The following CHL1 variants were observed in gnomAD, a reference collection of about 807,000 sequenced individuals.
The protein encoded by CHL1 is cell adhesion molecule L1 like, also known as neural cell adhesion molecule L1-like protein.
In CHL1, 96 loss-of-function variants were observed where a neutral mutation model predicts 141.9. That is an observed-to-expected ratio of 0.68 (90% CI 0.57 to 0.80). The LOEUF is 0.80. Among genes scored for constraint, CHL1 ranks in the 30% least tolerant of loss-of-function variants. The probability of loss-of-function intolerance (pLI) is 0.00; values close to 1 mark genes in which losing one functional copy is unlikely to be tolerated. For missense variants in CHL1, 1,820 were observed against 1,457.2 expected (o/e 1.25, Z -4.05); for synonymous variants, 613 against 502.2 (o/e 1.22, Z -2.95).
chr3:327,453 T>A (rs1575077119), intron 4 of CHL1, among the ~76,000 whole-genome samples: 2 of 152,086 alleles, frequency 1.3e-5, no homozygotes, highest in South Asian at 2.1e-4. Flanking sequence ...TTTTGCAACA[T>A]TTATCAAATA....
intron 1 of CHL1, among the ~76,000 whole-genome samples, chr3:224,222 GTT>G (rs1701122294): frequency 6.6e-6 from 1 of 152,026 alleles, no homozygotes; most frequent in Non-Finnish European, 1.5e-5. Context: ...TTTTATCCTT[GTT>G]TTAAAGTTAA....
At chr3:272,564 T>A (rs944770233) in intron 2 of CHL1, among the ~76,000 whole-genome samples, 2 of 152,250 alleles carry the variant, frequency 1.3e-5, no homozygotes, top group Admixed American at 6.5e-5. Context: ...CTATTAGCCA[T>A]GGCATTTTCA....
intron 20 of CHL1, among the ~76,000 whole-genome samples, chr3:390,258 A>G (rs951348050): frequency 6.6e-6 from 1 of 152,236 alleles, no homozygotes; most frequent in African/African-American, 2.4e-5. Context: ...TAGAACAGAG[A>G]TAATAATATC....
At position 354,721 on chromosome 3, in the gene CHL1, G is replaced by C; in HGVS notation, c.1115G>C (p.Gly372Ala). 6.2e-7 allele frequency: 1 copy of C among 1,613,992 alleles called. No individual in the cohort carries two copies. The highest frequency in any genetic ancestry group is 8.5e-7 in the Non-Finnish European group (1 of 1,179,902). The change falls in exon 11 of 28, where the codon GGA becomes GCA. Residue 372 changes from glycine (G) to alanine (A), a missense_variant. Coordinates refer to ENST00000256509, the MANE Select transcript of CHL1 (RefSeq NM_006614.4). ...GGCATCTTGTTATGTGAGGCTGAAG[G>C]AGAACCTCAACCCACAATCAAGTGG... ...SNGILLCEAE[G>A]EPQPTIKWRV...
At position 319,770 on chromosome 3, in the gene CHL1, A is replaced by T; in HGVS notation, c.-7A>T. On this transcript the variant is annotated 5_prime_UTR_variant, in exon 3 of 28. Coordinates refer to ENST00000256509, the MANE Select transcript of CHL1 (RefSeq NM_006614.4). ...TTCTTACCGGGTTGTCTTCTTCCTG[A>T]AGAGCAATGGAGCCGCTTTTACTTG... 1 of 1,589,950 alleles carries T rather than the reference A, an allele frequency of 6.3e-7. No individual in the cohort carries two copies. Among genetic ancestry groups the T allele is most frequent in the Middle Eastern group, 1.7e-4 (1 of 6,012 alleles).
chr3:351,976 T>C (rs1371312720), intron 10 of CHL1, among the ~76,000 whole-genome samples: 1 of 152,144 alleles, frequency 6.6e-6, no homozygotes, highest in African/African-American at 2.4e-5. Context: ...ATAATCACAA[T>C]CACATTTCAA....
intron 2 of CHL1, among the ~76,000 whole-genome samples, chr3:296,969 G>A (rs2124863895): frequency 6.6e-6 from 1 of 152,210 alleles, no homozygotes; most frequent in East Asian, 1.9e-4. Flanking sequence ...AAGAAGAGTG[G>A]GGACATCCTG....
At chr3:201,274 G>A (rs1218237386) in intron 1 of CHL1, among the ~76,000 whole-genome samples, 7 of 152,208 alleles carry the variant, frequency 4.6e-5, no homozygotes, top group African/African-American at 1.4e-4. Context: ...TTAAGTCAGT[G>A]CACAAATAGA....
At chr3:393,926 A>G (rs995995019) in intron 23 of CHL1, among the ~76,000 whole-genome samples, 1 of 152,188 alleles carries the variant, frequency 6.6e-6, no homozygotes, top group Non-Finnish European at 1.5e-5. Flanking sequence ...CCTCTATGGT[A>G]TCTTGGACTG....
chr3:389,455 T>C lies in CHL1; in HGVS notation c.2451T>C (p.Thr817=). 1 of 1,614,068 alleles carries C rather than the reference T, an allele frequency of 6.2e-7. No homozygotes were observed. Among genetic ancestry groups the C allele is most frequent in the South Asian group, 1.1e-5 (1 of 91,088 alleles). Residue 817 remains threonine (T), a synonymous_variant, in exon 20 of 28, where the codon ACT becomes ACC. Transcript: ENST00000256509. ...CTGGGCCTGACCCTCAGTCAGTGACTCTCTATTCTGGAGAAGACTGTAAGT... is the reference window on the plus strand; with the variant it reads ...CTGGGCCTGACCCTCAGTCAGTGACCCTCTATTCTGGAGAAGACTGTAAGT... ...LGSGPDPQSV[T]LYSGEDYPDT...
chr3:197,477 G>A (rs898261788), intron 1 of CHL1: 3 of 165,558 alleles, frequency 1.8e-5, no homozygotes, highest in Admixed American at 6.0e-5. Flanking sequence ...GTGGGGCTCC[G>A]AGGTCTAGCT....
At chr3:270,085 T>C (rs911463648) in intron 2 of CHL1, among the ~76,000 whole-genome samples, 1 of 152,170 alleles carries the variant, frequency 6.6e-6, no homozygotes, top group African/African-American at 2.4e-5. Context: ...GCTCTTTTAT[T>C]TTCATTTCAG....
chr3:257,542 G>A (rs1240127044), intron 2 of CHL1, among the ~76,000 whole-genome samples: 1 of 151,806 alleles, frequency 6.6e-6, no homozygotes, highest in Non-Finnish European at 1.5e-5. Context: ...TAGTAGAGAT[G>A]GGGTTTCACC....
intron 1 of CHL1, among the ~76,000 whole-genome samples, chr3:238,712 G>C (rs1488099503): frequency 6.6e-6 from 1 of 151,758 alleles, no homozygotes; most frequent in Non-Finnish European, 1.5e-5. Flanking sequence ...ATCACCTGAG[G>C]TCAGGAGTTC....
chr3:257,440 G>A (rs534819017), intron 2 of CHL1, among the ~76,000 whole-genome samples: 23 of 147,966 alleles, frequency 1.6e-4, no homozygotes, highest in African/African-American at 2.5e-4. Flanking sequence ...TGCAACCTCC[G>A]CCTCCCGGGT....
At chr3:218,895 C>G (rs1321789515) in intron 1 of CHL1, among the ~76,000 whole-genome samples, 1 of 152,082 alleles carries the variant, frequency 6.6e-6, no homozygotes, top group Non-Finnish European at 1.5e-5. Flanking sequence ...ACCTGTAATC[C>G]CAGCACTTTG....
intron 15 of CHL1, among the ~76,000 whole-genome samples, chr3:371,214 C>A (rs1256509162): frequency 6.6e-6 from 1 of 152,124 alleles, no homozygotes; most frequent in African/African-American, 2.4e-5. Context: ...GTTAAAGTCT[C>A]CCACTATTAT....
chr3:345,467 A>ATTAT (rs1702692128), intron 9 of CHL1, among the ~76,000 whole-genome samples: 1 of 134,750 alleles, frequency 7.4e-6, no homozygotes, highest in African/African-American at 2.8e-5. Flanking sequence ...TATTTATTTA[A>ATTAT]TTATTTATTC....
chr3:197,783 C>A (rs1698491920), intron 1 of CHL1: 2 of 456,218 alleles, frequency 4.4e-6, no homozygotes, highest in Non-Finnish European at 8.8e-6. Flanking sequence ...GCCGTGGTTG[C>A]CATGGCTCCT....
Sources: gnomAD v4.1 joint callset for allele counts (sites outside exome capture counted in the v4.1 genomes callset) on GRCh38, gnomAD v4.1.1 for gene constraint, MANE v1.5 for transcripts, NCBI Gene and HGNC (gene_info 2026-07-23, HGNC 2026-07-21) for gene names.